SCN3A: variants seen among roughly 807,000 people sequenced by gnomAD.
The protein encoded by SCN3A is sodium voltage-gated channel alpha subunit 3.
In SCN3A, 60 loss-of-function variants were observed where a neutral mutation model predicts 187.6. That is an observed-to-expected ratio of 0.32 (90% CI 0.26 to 0.40). The LOEUF is 0.40. SCN3A is among the 10% of genes least tolerant of loss of function. SCN3A has a pLI of 1.00. For missense variants in SCN3A, 1,601 were observed against 2,428.2 expected (o/e 0.66, Z 7.16); for synonymous variants, 788 against 829.2 (o/e 0.95, Z 0.85).
chr2:165,146,709 G>T, intron 12 of SCN3A, 30 bp downstream of exon 12: 1 of 1,613,296 alleles, frequency 6.2e-7, no homozygotes, highest in Non-Finnish European at 8.5e-7. Flanking sequence ...CAATGACAAA[G>T]AAACCAGAGC....
At position 165,164,494 on chromosome 2, in the gene SCN3A, A is replaced by C; in HGVS notation, c.500T>G (p.Phe167Cys). The C allele has an allele frequency of 6.2e-7, 1 of 1,613,810 alleles. No individual in the cohort carries two copies. The highest frequency in any genetic ancestry group is 8.5e-7 in the Non-Finnish European group (1 of 1,179,806). ...TGCCAAGATTTTTATAAGTGACTCAAAGGTATAGATTCCAGTGAATGTGTA... is the reference window on the plus strand; with the variant it reads ...TGCCAAGATTTTTATAAGTGACTCACAGGTATAGATTCCAGTGAATGTGTA... The part of the protein sequence containing the change: ...VEYTFTGIYT[F>C]ESLIKILARG... The change falls in exon 6 of 28, where the codon TTT becomes TGT. Residue 167 changes from phenylalanine (F) to cysteine (C), a missense_variant. Phe to Cys is a radical substitution (Grantham distance 205). This residue lies in a region of SCN3A where 122 missense variants were observed against 225.1 expected (regional missense o/e 0.54). Coordinates refer to ENST00000283254, the MANE Select transcript of SCN3A (RefSeq NM_006922.4).
rs1690439527 is a variant in SCN3A, at chr2:165,176,137, AT to A, written c.257del (p.Asn86IlefsTer6). ...PLEDLDPYYI[N>X]KKTFIVMNKG... ...GTCTAAAATCAATACTCACTTTCTTATTGATATAGTAGGGATCCAGGTCCTC... is the reference window on the plus strand; with the variant it reads ...GTCTAAAATCAATACTCACTTTCTTATGATATAGTAGGGATCCAGGTCCTC... On this transcript the variant is annotated frameshift_variant, in exon 3 of 28. Coordinates refer to ENST00000283254, the MANE Select transcript of SCN3A (RefSeq NM_006922.4). LOFTEE classifies it high-confidence loss of function. 1 of 1,613,124 alleles carries A rather than the reference AT, an allele frequency of 6.2e-7. No individual in the cohort carries two copies. The highest frequency in any genetic ancestry group is 8.5e-7 in the Non-Finnish European group (1 of 1,179,358).
At chr2:165,181,435 G>A (rs917164640) in intron 2 of SCN3A, among the ~76,000 whole-genome samples, 1 of 152,112 alleles carries the variant, frequency 6.6e-6, no homozygotes, top group Non-Finnish European at 1.5e-5. Flanking sequence ...TGTTATGAAG[G>A]TCTTCCAGAT....
chr2:165,153,578 A>G (rs763901003), intron 11 of SCN3A, among the ~76,000 whole-genome samples: 3 of 152,174 alleles, frequency 2.0e-5, no homozygotes, highest in Non-Finnish European at 4.4e-5. Context: ...AAAGATTTGA[A>G]CAACCACTTC....
At chr2:165,137,520 A>G (rs1687737691) in intron 15 of SCN3A, among the ~76,000 whole-genome samples, 1 of 152,094 alleles carries the variant, frequency 6.6e-6, no homozygotes, top group African/African-American at 2.4e-5. Flanking sequence ...CCTTCAATGG[A>G]CATGATTGTT....
At chr2:165,122,293 C>T (rs1340951479) in intron 18 of SCN3A, among the ~76,000 whole-genome samples, 1 of 117,098 alleles carries the variant, frequency 8.5e-6, no homozygotes, top group Non-Finnish European at 1.7e-5. Flanking sequence ...CAAACATTTT[C>T]ATCTGGAGCA....
At chr2:165,191,682 GA>G (rs1044615253) in intron 1 of SCN3A, among the ~76,000 whole-genome samples, 14 of 152,070 alleles carry the variant, frequency 9.2e-5, no homozygotes, top group African/African-American at 3.4e-4. Context: ...ACCCTGCTCT[GA>G]TGTTTCCAAG....
Position 165,164,496 on chromosome 2 carries a change from G to A in SCN3A, c.498C>T (p.Thr166=). 6.2e-7 allele frequency: 1 copy of A among 1,613,648 alleles called. No individual in the cohort carries two copies. The highest frequency in any genetic ancestry group is 8.5e-7 in the Non-Finnish European group (1 of 1,179,778). Residue 166 remains threonine, a synonymous_variant, in exon 6 of 28, where the codon ACC becomes ACT. Coordinates refer to ENST00000283254, the MANE Select transcript of SCN3A (RefSeq NM_006922.4). The stretch of plus-strand genomic sequence containing the variant: ...CCAAGATTTTTATAAGTGACTCAAA[G>A]GTATAGATTCCAGTGAATGTGTACC... ...NVEYTFTGIY[T]FESLIKILAR...
chr2:165,158,428 A>G (rs1237518796), intron 9 of SCN3A, among the ~76,000 whole-genome samples: 2 of 136,212 alleles, frequency 1.5e-5, no homozygotes, highest in Non-Finnish European at 3.0e-5. Flanking sequence ...TTTAATTTGT[A>G]TATATTAAGA....
At chr2:165,111,579 AAT>A (rs139001830) in intron 21 of SCN3A, among the ~76,000 whole-genome samples, 6,271 of 151,904 alleles carry the variant, frequency 0.041, 412 homozygotes, top group African/African-American at 0.14. Flanking sequence ...TTAGGCAGAA[AAT>A]CTATGAGGGA....
chr2:165,202,605 T>C (rs1389517666), intron 1 of SCN3A, among the ~76,000 whole-genome samples: 1 of 152,100 alleles, frequency 6.6e-6, no homozygotes, highest in Non-Finnish European at 1.5e-5. Context: ...CTACTCAATG[T>C]AAAATATTAA....
rs1685051718 is a variant in SCN3A at position 165,090,688 on chromosome 2, G to A, written c.5465C>T (p.Pro1822Leu). ...GTTGGGTTTTGCTATGAGAAGAGGA[G>A]GATCCAGGGCAGCTGCAAAATCAGA... ...KLSDFAAALD[P>L]PLLIAKPNKV... is the part of the protein sequence containing the mutation. Residue 1822 changes from proline to leucine, a missense_variant, in exon 28 of 28, where the codon CCT becomes CTT. This residue lies in a region of SCN3A where 110 missense variants were observed against 175.9 expected (regional missense o/e 0.63). Transcript: ENST00000283254. The surrounding 1 kb of genome is among the most constrained non-coding windows in gnomAD (Gnocchi z 4.0). 1 of 1,614,068 alleles carries A rather than the reference G, an allele frequency of 6.2e-7. No individual in the cohort carries two copies. The highest frequency in any genetic ancestry group is 8.5e-7 in the Non-Finnish European group (1 of 1,179,998).
At chr2:165,162,492 C>T in intron 8 of SCN3A, 64 bp downstream of exon 8, 2 of 1,608,288 alleles carry the variant, frequency 1.2e-6, no homozygotes, top group Non-Finnish European at 1.7e-6. Flanking sequence ...CCCACAGTCT[C>T]AACTATTTAT....
rs941092993 is a variant in SCN3A at position 165,095,304 on chromosome 2, T to G, written c.4431+207A>C. Among the ~76,000 whole-genome samples the G allele has an allele frequency of 3.3e-5, 5 of 152,314 alleles. No homozygotes were observed. In the South Asian group the frequency reaches 1.0e-3, roughly 32 times the overall value. ...GGGTCCGAAGGAGTGGACACATTTTTGGGTCAGAAAGCTATCCAATAGATA... is the reference window on the plus strand; with the variant it reads ...GGGTCCGAAGGAGTGGACACATTTTGGGGTCAGAAAGCTATCCAATAGATA... On this transcript the variant is annotated intron_variant, in intron 25 of 27. Coordinates refer to ENST00000283254, the MANE Select transcript of SCN3A (RefSeq NM_006922.4).
Position 165,097,341 on chromosome 2 carries a change from A to T in SCN3A, c.4150T>A (p.Cys1384Ser). Residue 1384 changes from cysteine to serine, a missense_variant, in exon 23 of 28, where the codon TGT becomes AGT. Transcript: ENST00000283254. ...DISDVNNLSDCQALGKQARWK... is the reference protein window; with the variant it reads ...DISDVNNLSDSQALGKQARWK... ...CGAGCTTGCTTGCCAAGAGCCTGACAGTCACTCAAATTGTTAACATCACTA... is the reference window on the plus strand; with the variant it reads ...CGAGCTTGCTTGCCAAGAGCCTGACTGTCACTCAAATTGTTAACATCACTA... 6.2e-7 allele frequency: 1 copy of T among 1,614,114 alleles called. No individual in the cohort carries two copies. The highest frequency in any genetic ancestry group is 8.5e-7 in the Non-Finnish European group (1 of 1,179,992).
At chr2:165,133,377 C>G (rs190771413) in intron 15 of SCN3A, among the ~76,000 whole-genome samples, 55 of 151,812 alleles carry the variant, frequency 3.6e-4, no homozygotes, top group African/African-American at 1.3e-3. Context: ...TTTTTTGAGA[C>G]AGAGTCTCCC....
At chr2:165,098,279 A>G (rs1685453974) in intron 22 of SCN3A, among the ~76,000 whole-genome samples, 1 of 152,234 alleles carries the variant, frequency 6.6e-6, no homozygotes, top group Admixed American at 6.5e-5. Context: ...AATCTTTATG[A>G]AAGTCAACAG....
intron 16 of SCN3A, among the ~76,000 whole-genome samples, chr2:165,130,697 AAAAT>A (rs1687260372): frequency 1.3e-5 from 2 of 152,252 alleles, no homozygotes; most frequent in Admixed American, 6.5e-5. Flanking sequence ...ATATAAAAGT[AAAAT>A]AACCTAAATA....
intron 18 of SCN3A, among the ~76,000 whole-genome samples, chr2:165,121,141 T>C (rs1232534414): frequency 6.6e-6 from 1 of 152,034 alleles, no homozygotes; most frequent in Non-Finnish European, 1.5e-5. Flanking sequence ...AAAATGGCTA[T>C]TCACACACCC....
Sources: allele counts gnomAD v4.1 joint callset (sites outside exome capture counted in the v4.1 genomes callset), GRCh38; gene constraint gnomAD v4.1.1; regional missense constraint gnomAD v4.1.1; non-coding constraint Gnocchi (gnomAD v3.1); transcripts MANE v1.5; gene names NCBI Gene and HGNC (gene_info 2026-07-23, HGNC 2026-07-21).